Variants in CNTN5 observed in about 807,000 individuals in gnomAD.
CNTN5 encodes contactin 5, also known as contactin-5.
Under a neutral mutation model 129.1 loss-of-function variants are expected in CNTN5, and 77 were observed. That is an observed-to-expected ratio of 0.60 (90% CI 0.50 to 0.72). The LOEUF (loss-of-function observed/expected upper bound fraction) is 0.72, where lower values mean the gene tolerates loss of function less well. Ranked by LOEUF, CNTN5 falls within the 30% of genes least tolerant of loss-of-function variation. The probability of loss-of-function intolerance (pLI) is 0.00; values close to 1 mark genes in which losing one functional copy is unlikely to be tolerated. For missense variants in CNTN5, 1,478 were observed against 1,328.8 expected (o/e 1.11, Z -1.75); for synonymous variants, 509 against 465.6 (o/e 1.09, Z -1.20).
chr11:99,312,959 T>C (rs779100027), intron 1 of CNTN5, among the ~76,000 whole-genome samples: 59 of 152,006 alleles, frequency 3.9e-4, no homozygotes, highest in Non-Finnish European at 7.8e-4. Context: ...TGGACAAAAA[T>C]AGTGGTTTTA....
chr11:99,717,085 C>A (rs536746266), intron 3 of CNTN5, among the ~76,000 whole-genome samples: 1 of 152,034 alleles, frequency 6.6e-6, no homozygotes, highest in Non-Finnish European at 1.5e-5. Flanking sequence ...GAATCGGAAC[C>A]CACAAATTGT....
chr11:99,586,905 A>G (rs1156295441), intron 3 of CNTN5, among the ~76,000 whole-genome samples: 1 of 152,238 alleles, frequency 6.6e-6, no homozygotes, highest in East Asian at 1.9e-4. Context: ...CTAGATATGT[A>G]AGCTTATCCA....
chr11:99,307,766 G>T (rs969785901), intron 1 of CNTN5, among the ~76,000 whole-genome samples: 1 of 152,028 alleles, frequency 6.6e-6, no homozygotes, highest in Non-Finnish European at 1.5e-5. Flanking sequence ...CCAATTTTTT[G>T]CTATTAAACA....
At chr11:100,348,242 T>C (rs566049537) in intron 23 of CNTN5, among the ~76,000 whole-genome samples, 74 of 152,216 alleles carry the variant, frequency 4.9e-4, no homozygotes, top group African/African-American at 1.7e-3. Flanking sequence ...CTCATAGTTC[T>C]CATTCTCATG....
intron 19 of CNTN5, among the ~76,000 whole-genome samples, chr11:100,297,963 T>C (rs1951131760): frequency 6.6e-6 from 1 of 151,532 alleles, no homozygotes. Flanking sequence ...ATAAACAGAA[T>C]TGTGACTTTG....
chr11:99,230,154 A>G (rs1242988625), intron 1 of CNTN5, among the ~76,000 whole-genome samples: 1 of 152,026 alleles, frequency 6.6e-6, no homozygotes. Context: ...TTTTCTCCCA[A>G]TGGGAATGGT....
intron 13 of CNTN5, among the ~76,000 whole-genome samples, chr11:100,155,031 C>T (rs1025706381): frequency 3.3e-5 from 5 of 152,048 alleles, no homozygotes; most frequent in African/African-American, 9.7e-5. Context: ...TTAATTAGAT[C>T]CCATTAGTCA....
intron 21 of CNTN5, among the ~76,000 whole-genome samples, chr11:100,321,291 A>ATTT (rs35937617): frequency 2.5e-4 from 34 of 134,598 alleles, no homozygotes; most frequent in African/African-American, 9.2e-4. Context: ...ATTCCTAAGT[A>ATTT]TTTTTTTTTT....
In CNTN5 at chr11:99,849,147, A is replaced by G. The variant is rs975491900; in HGVS notation, c.577+3885A>G. On this transcript the variant is annotated intron_variant, in intron 6 of 24. Transcript: ENST00000524871. ...TTAATTGAAGAATTAAGTTATCCAT[A>G]TACTAACATAATATCAAATTATCCA... Among the ~76,000 whole-genome samples the G allele has an allele frequency of 5.4e-4, 82 of 151,872 alleles. 1 individual carries two copies. The highest frequency in any genetic ancestry group is 1.9e-3 in the African/African-American group (78 of 41,396).
intron 13 of CNTN5, among the ~76,000 whole-genome samples, chr11:100,102,970 C>A (rs941629518): frequency 2.0e-5 from 3 of 152,132 alleles, no homozygotes; most frequent in Admixed American, 6.6e-5. Context: ...CTCCTACAAC[C>A]TCCTTAACTA....
intron 3 of CNTN5, among the ~76,000 whole-genome samples, chr11:99,580,058 A>G (rs947174045): frequency 6.6e-6 from 1 of 151,984 alleles, no homozygotes; most frequent in African/African-American, 2.4e-5. Context: ...GAATTTTGTC[A>G]AAGGCCTTTT....
At chr11:99,512,891 G>T (rs769943902) in intron 2 of CNTN5, among the ~76,000 whole-genome samples, 1 of 152,064 alleles carries the variant, frequency 6.6e-6, no homozygotes, top group Non-Finnish European at 1.5e-5. Flanking sequence ...GCTTCTAAGT[G>T]TTCAAGTAAA....
chr11:99,225,701 A>C (rs937828783), intron 1 of CNTN5, among the ~76,000 whole-genome samples: 1 of 152,284 alleles, frequency 6.6e-6, no homozygotes, highest in Middle Eastern at 3.4e-3. Flanking sequence ...TTTGTCATTA[A>C]TTAATGCTCT....
intron 1 of CNTN5, among the ~76,000 whole-genome samples, chr11:99,104,409 G>C (rs1866897531): frequency 6.6e-6 from 1 of 152,064 alleles, no homozygotes; most frequent in African/African-American, 2.4e-5. Flanking sequence ...TAGCATTGGG[G>C]CAAGGAAAGA....
intron 1 of CNTN5, among the ~76,000 whole-genome samples, chr11:99,139,456 T>TA (rs571742942): frequency 4.4e-4 from 67 of 152,038 alleles, no homozygotes; most frequent in Non-Finnish European, 7.1e-4. Context: ...GTGACCTAAA[T>TA]AAAAAATGCT....
chr11:99,166,055 T>A (rs1860850638), intron 1 of CNTN5, among the ~76,000 whole-genome samples: 2 of 152,150 alleles, frequency 1.3e-5, no homozygotes, highest in African/African-American at 4.8e-5. Flanking sequence ...TGAATCAATC[T>A]GAAAAATGAC....
At chr11:100,031,260 A>T (rs1399012682) in intron 9 of CNTN5, among the ~76,000 whole-genome samples, 1 of 152,196 alleles carries the variant, frequency 6.6e-6, no homozygotes, top group Non-Finnish European at 1.5e-5. Flanking sequence ...TTGTAAATAC[A>T]AAGTTGCATG....
chr11:100,012,789 G>T (rs1940605403), intron 9 of CNTN5, among the ~76,000 whole-genome samples: 1 of 152,160 alleles, frequency 6.6e-6, no homozygotes, highest in African/African-American at 2.4e-5. Context: ...TGAGAATTAG[G>T]AATCTTAATA....
chr11:99,146,238 G>T (rs989698308), intron 1 of CNTN5, among the ~76,000 whole-genome samples: 3 of 151,950 alleles, frequency 2.0e-5, no homozygotes, highest in African/African-American at 7.2e-5. Flanking sequence ...AAGGAATTCT[G>T]GGAAACGCAA....
Sources: gnomAD v4.1 joint callset for allele counts (sites outside exome capture counted in the v4.1 genomes callset) on GRCh38, gnomAD v4.1.1 for gene constraint, MANE v1.5 for transcripts, NCBI Gene and HGNC (gene_info 2026-07-23, HGNC 2026-07-21) for gene names.